The following C19orf25 variants were observed in gnomAD, a reference collection of about 807,000 sequenced individuals.
The protein encoded by C19orf25 is chromosome 19 open reading frame 25.
Under a neutral mutation model 3.1 loss-of-function variants are expected in C19orf25, and 1 was observed. The ratio of observed to expected loss-of-function variants is 0.32; its 90% CI spans 0.12 to 1.54. C19orf25 has a LOEUF of 1.54. Ranked by LOEUF, C19orf25 falls within the 40% of genes most tolerant of loss-of-function variation. C19orf25 has a pLI of 0.38. For missense variants in C19orf25, 196 were observed against 160.4 expected (o/e 1.22, Z -1.20); for synonymous variants, 91 against 74.3 (o/e 1.23, Z -1.16).
intron 2 of C19orf25, chr19:1,475,907 A>T (rs946599125): frequency 2.3e-5 from 7 of 309,832 alleles, no homozygotes; most frequent in African/African-American, 1.5e-4. Context: ...CGTGGCACCC[A>T]CCGGGATGGA....
intron 2 of C19orf25, chr19:1,478,444 T>C: frequency 1.8e-6 from 1 of 565,954 alleles, no homozygotes. Context: ...TGTTTTGTTT[T>C]TTCATTTTTA....
chr19:1,475,301 A>G (rs958711483), intron 2 of C19orf25, 43 bp from the exon 3 acceptor site: 95 of 1,505,268 alleles, frequency 6.3e-5, no homozygotes, highest in Non-Finnish European at 8.1e-5. Context: ...TGACCACCCC[A>G]TCCTCCTGGG....
Position 1,477,133 on chromosome 19 carries a change from G to A in C19orf25, c.130+1641C>T, listed in dbSNP as rs141388839. Among the ~76,000 whole-genome samples the A allele has an allele frequency of 5.8e-3, 876 of 152,202 alleles. 9 individuals carry two copies. The highest frequency in any genetic ancestry group is 0.02 in the African/African-American group (830 of 41,520). On this transcript the variant is annotated intron_variant, in intron 2 of 2. Transcript: ENST00000585675. ...TCCTGCCTCAGCCTCCCAAGTAGCA[G>A]GGATTACAGGCATGCGCCACCATGC...
intron 2 of C19orf25, chr19:1,478,416 T>C (rs1238804988): frequency 8.1e-6 from 2 of 248,008 alleles, no homozygotes; most frequent in African/African-American, 5.2e-5. Context: ...AACTCTGTTT[T>C]GTTTTTGTTT....
At chr19:1,478,701 G>A (rs1460896150) in intron 2 of C19orf25, 73 bp downstream of exon 2, 3 of 1,530,700 alleles carry the variant, frequency 2.0e-6, no homozygotes, top group Non-Finnish European at 2.6e-6. Context: ...AGGAGTTAGG[G>A]GTGTGCTTCT....
intron 2 of C19orf25, among the ~76,000 whole-genome samples, chr19:1,476,989 ATTTTCTT>A (rs1281780710): frequency 1.7e-5 from 2 of 119,654 alleles, no homozygotes; most frequent in Non-Finnish European, 3.3e-5. Flanking sequence ...CACATGGCTC[ATTTTCTT>A]TTTTCTTTTT....
rs576454674 is a variant in C19orf25 at position 1,476,994 on chromosome 19, CT to C, written c.131-1737del. Among the ~76,000 whole-genome samples, 326 of 73,138 alleles carry C rather than the reference CT, an allele frequency of 4.5e-3. 9 individuals are homozygous for C. In the South Asian group the frequency reaches 0.11, roughly 25 times the overall value. The allele number at this position is 73,138 out of a possible 152,430, so 48.0% of individuals were successfully genotyped here. A position where few individuals can be genotyped will look rare whatever the true frequency, so the allele number is the denominator to read the frequency against. On this transcript the variant is annotated intron_variant, in intron 2 of 2. Coordinates refer to ENST00000585675, the MANE Select transcript of C19orf25 (RefSeq NM_152482.3). ...TCTATCATTCCACATGGCTCATTTT[CT>C]TTTTTCTTTTTTTTTTTTGTTTGAG...
In C19orf25 at chr19:1,476,103, C is replaced by T. The variant is rs949016827; in HGVS notation, c.131-845G>A. 6 of 398,268 alleles carry T rather than the reference C, an allele frequency of 1.5e-5. No individual in the cohort carries two copies. The Admixed American group carries it at 1.8e-4, about 12-fold the overall frequency. 24.7% of individuals were successfully genotyped at this position (398,268 alleles called of 1,614,324 possible). On this transcript the variant is annotated intron_variant, in intron 2 of 2. Coordinates refer to ENST00000585675, the MANE Select transcript of C19orf25 (RefSeq NM_152482.3). ...TGACTCCCACATTCAGCAGAAACTA[C>T]GTATGGCTCCCTGCTCCCCCACGTA... is the stretch of plus-strand genomic sequence containing the variant.
Position 1,476,995 on chromosome 19 carries a change from T to C in C19orf25, c.131-1737A>G, listed in dbSNP as rs1354999235. Among the ~76,000 whole-genome samples the C allele has an allele frequency of 6.0e-5, 4 of 67,114 alleles. No individual in the cohort carries two copies. The East Asian group carries it at 1.7e-3, about 29-fold the overall frequency. The allele number at this position is 67,114 out of a possible 152,430, so 44.0% of individuals were successfully genotyped here. The stretch of plus-strand genomic sequence containing the variant: ...CTATCATTCCACATGGCTCATTTTC[T>C]TTTTTCTTTTTTTTTTTTGTTTGAG... On this transcript the variant is annotated intron_variant, in intron 2 of 2. Coordinates refer to ENST00000585675, the MANE Select transcript of C19orf25 (RefSeq NM_152482.3).
In C19orf25 at chr19:1,479,191, C is replaced by T. The variant is rs1045475441; in HGVS notation, c.-31G>A. On this transcript the variant is annotated 5_prime_UTR_variant, in exon 1 of 3. Transcript: ENST00000585675. ...GGCGCGGGACCCGAAAGCCCAGCGT[C>T]GACGACGCAGCCACTTCCGATTCCG... is the stretch of plus-strand genomic sequence containing the variant. The T allele has an allele frequency of 4.7e-6, 6 of 1,265,916 alleles. No individual in the cohort carries two copies. In the Admixed American group the frequency reaches 1.3e-4, roughly 27 times the overall value. 78.4% of individuals were successfully genotyped at this position (1,265,916 alleles called of 1,614,324 possible). A position where few individuals can be genotyped will look rare whatever the true frequency, so the allele number is the denominator to read the frequency against.
In C19orf25 at chr19:1,478,762, G is replaced by C. The variant is rs374431627; in HGVS notation, c.130+12C>G. 1.4e-4 allele frequency: 222 copies of C among 1,559,540 alleles called. 2 individuals carry two copies. The African/African-American group carries it at 2.8e-3, about 20-fold the overall frequency. On this transcript the variant is annotated intron_variant, in intron 2 of 2. Transcript: ENST00000585675. ...TCAGGTCCGCTTTTCCCCGGGACCG[G>C]GCTCCCCCTACCTTCCGGGGCCAGG...
intron 2 of C19orf25, among the ~76,000 whole-genome samples, chr19:1,477,789 TG>T (rs1323290082): frequency 2.0e-5 from 3 of 152,210 alleles, no homozygotes; most frequent in East Asian, 1.9e-4. Context: ...GGGCAGGGTT[TG>T]GGGGGCCCTA....
intron 2 of C19orf25, among the ~76,000 whole-genome samples, chr19:1,477,128 T>A (rs2084213318): frequency 6.6e-6 from 1 of 152,060 alleles, no homozygotes; most frequent in Non-Finnish European, 1.5e-5. Context: ...GCCTCCCAAG[T>A]AGCAGGGATT....
At chr19:1,477,001 CTTTTTTT>C (rs57364052) in intron 2 of C19orf25, among the ~76,000 whole-genome samples, 4 of 143,512 alleles carry the variant, frequency 2.8e-5, no homozygotes, top group Non-Finnish European at 6.1e-5. Flanking sequence ...TTTCTTTTTT[CTTTTTTT>C]TTTTTGTTTG....
In C19orf25 at chr19:1,475,041, G is replaced by A. The variant is rs2084189489; in HGVS notation, c.348C>T (p.Ser116=). 2 of 1,591,432 alleles carry A rather than the reference G, an allele frequency of 1.3e-6. No individual in the cohort carries two copies. Among genetic ancestry groups the A allele is most frequent in the Non-Finnish European group, 1.7e-6 (2 of 1,171,590 alleles). ...QAALPAAEAA[S]SG is the part of the protein sequence containing the mutation. ...TGCAGGCCCCGAGAGGTCAGCCTGA[G>A]GAGGCAGCCTCGGCTGCCGGTAATG... The change falls in exon 3 of 3, where the codon TCC becomes TCT. Residue 116 remains serine (S), a synonymous_variant. Coordinates refer to ENST00000585675, the MANE Select transcript of C19orf25 (RefSeq NM_152482.3).
At chr19:1,476,562 G>A (rs2084207769) in intron 2 of C19orf25, 6 of 350,966 alleles carry the variant, frequency 1.7e-5, no homozygotes, top group Admixed American at 9.5e-5. Context: ...ACCTCCCACC[G>A]ATGCTGGTCC....
chr19:1,476,843 T>C (rs1217505545), intron 2 of C19orf25, among the ~76,000 whole-genome samples: 3 of 152,206 alleles, frequency 2.0e-5, no homozygotes, highest in Admixed American at 6.5e-5. Flanking sequence ...CTTGAACTCC[T>C]GGCCTCAAGT....
Position 1,474,410 on chromosome 19 carries a change from G to T in C19orf25, c.*622C>A. 1 of 161,872 alleles carries T rather than the reference G, an allele frequency of 6.2e-6. No individual in the cohort carries two copies. Among genetic ancestry groups the T allele is most frequent in the Admixed American group, 6.3e-5 (1 of 15,952 alleles). The allele number at this position is 161,872 out of a possible 1,614,324, so 10.0% of individuals were successfully genotyped here. ...GCCAGTGACTCACAGCGGTCCTCCA[G>T]CAAGGGCAGTGGCTGGGAGACACCC... On this transcript the variant is annotated 3_prime_UTR_variant, in exon 3 of 3. Coordinates refer to ENST00000585675, the MANE Select transcript of C19orf25 (RefSeq NM_152482.3).
intron 2 of C19orf25, 138 bp downstream of exon 2, chr19:1,478,636 C>G (rs900438262): frequency 6.9e-7 from 1 of 1,455,830 alleles, no homozygotes; most frequent in Non-Finnish European, 9.1e-7. Flanking sequence ...TAGAGGGAGA[C>G]TCGGAGAGGA....
Sources: gnomAD v4.1 joint callset for allele counts (sites outside exome capture counted in the v4.1 genomes callset) on GRCh38, gnomAD v4.1.1 for gene constraint, MANE v1.5 for transcripts, NCBI Gene and HGNC (gene_info 2026-07-23, HGNC 2026-07-21) for gene names.